GPR39: variants seen among roughly 807,000 people sequenced by gnomAD.
The protein encoded by GPR39 is G protein-coupled receptor 39, also known as zinc sensing receptor.
A neutral mutation model predicts 18.4 loss-of-function variants in GPR39; 23 were observed. That is an observed-to-expected ratio of 1.25 (90% CI 0.90 to 1.77). The LOEUF (loss-of-function observed/expected upper bound fraction) is 1.77. GPR39 is among the 40% of genes most tolerant of loss of function. GPR39 has a pLI of 0.00. For missense variants in GPR39, 647 were observed against 602.4 expected, an observed-to-expected ratio of 1.07 and a Z score of -0.78; for synonymous variants, 280 against 257.9, an observed-to-expected ratio of 1.09 and a Z score of -0.82.
At chr2:132,506,071 T>C (rs1679129315) in intron 1 of GPR39, among the ~76,000 whole-genome samples, 2 of 152,312 alleles carry the variant, frequency 1.3e-5, no homozygotes, top group African/African-American at 4.8e-5. Flanking sequence ...TTATTTTTTG[T>C]CTTTTTAATA....
At chr2:132,491,142 C>G (rs773270591) in intron 1 of GPR39, among the ~76,000 whole-genome samples, 7 of 152,088 alleles carry the variant, frequency 4.6e-5, no homozygotes, top group Non-Finnish European at 8.8e-5. Flanking sequence ...CCAGTTTGAA[C>G]CAGAACCAAG....
intron 1 of GPR39, among the ~76,000 whole-genome samples, chr2:132,610,144 T>C (rs1303838973): frequency 2.0e-5 from 3 of 152,142 alleles, no homozygotes; most frequent in African/African-American, 7.2e-5. Flanking sequence ...GCTGAATGAA[T>C]AGGAATACCT....
At chr2:132,434,163 A>G (rs1202204551) in intron 1 of GPR39, among the ~76,000 whole-genome samples, 3 of 152,164 alleles carry the variant, frequency 2.0e-5, no homozygotes, top group Non-Finnish European at 2.9e-5. Flanking sequence ...AAAAAATGCC[A>G]TGAAGGACGT....
At chr2:132,488,469 C>T (rs1210498919) in intron 1 of GPR39, 1 of 153,582 alleles carries the variant, frequency 6.5e-6, no homozygotes, top group African/African-American at 2.4e-5. Context: ...ATATCTTGCT[C>T]ATTTCTTATT....
In GPR39 at chr2:132,591,298, T is replaced by C. The variant is rs1320590968; in HGVS notation, c.857-53803T>C. Among the ~76,000 whole-genome samples the C allele has an allele frequency of 3.2e-4, 48 of 149,102 alleles. 1 individual carries two copies. The highest frequency in any genetic ancestry group is 1.1e-3 in the African/African-American group (46 of 40,256). On this transcript the variant is annotated intron_variant, in intron 1 of 1. Transcript: ENST00000329321. ...AAAAACAAAAAAAAACAGAGGAACA[T>C]TGTAGGACTAGACCAGCGGAGTCTT...
At chr2:132,505,897 G>A (rs4321420) in intron 1 of GPR39, among the ~76,000 whole-genome samples, 126,284 of 152,182 alleles carry the variant, frequency 0.83, 53,015 homozygotes, top group Middle Eastern at 0.9. Flanking sequence ...ACCAACTTCT[G>A]TTCCTTTGGA....
At chr2:132,496,074 G>A (rs1300242606) in intron 1 of GPR39, among the ~76,000 whole-genome samples, 1 of 152,106 alleles carries the variant, frequency 6.6e-6, no homozygotes, top group African/African-American at 2.4e-5. Context: ...ACAGCCGCTG[G>A]GAAGGTTTGG....
At chr2:132,505,869 C>A (rs1679126776) in intron 1 of GPR39, among the ~76,000 whole-genome samples, 1 of 152,164 alleles carries the variant, frequency 6.6e-6, no homozygotes, top group Non-Finnish European at 1.5e-5. Context: ...ACATGGGGGT[C>A]AAGTATATTT....
intron 1 of GPR39, among the ~76,000 whole-genome samples, chr2:132,533,142 C>T (rs187789833): frequency 1.8e-4 from 28 of 152,264 alleles, no homozygotes; most frequent in Admixed American, 1.1e-3. Flanking sequence ...AACAACTCAG[C>T]GAAGTCCCAG....
chr2:132,471,427 C>T (rs977099271), intron 1 of GPR39, among the ~76,000 whole-genome samples: 6 of 152,084 alleles, frequency 3.9e-5, no homozygotes, highest in Admixed American at 3.3e-4. Flanking sequence ...ATCCACTAGT[C>T]GGTGCAACCT....
intron 1 of GPR39, among the ~76,000 whole-genome samples, chr2:132,430,008 G>A (rs1280853215): frequency 6.6e-6 from 1 of 152,246 alleles, no homozygotes; most frequent in African/African-American, 2.4e-5. Flanking sequence ...GGAGGCCATG[G>A]GAGCCATGGA....
intron 1 of GPR39, among the ~76,000 whole-genome samples, chr2:132,612,020 C>T (rs946952084): frequency 2.0e-5 from 3 of 152,138 alleles, no homozygotes; most frequent in African/African-American, 4.8e-5. Context: ...TTTATCTTTG[C>T]CCAGAAGCTC....
intron 1 of GPR39, among the ~76,000 whole-genome samples, chr2:132,532,486 C>T (rs1311527349): frequency 7.9e-5 from 12 of 152,180 alleles, no homozygotes; most frequent in Admixed American, 6.6e-4. Flanking sequence ...TCCTCCCTAA[C>T]TCATTTTATG....
intron 1 of GPR39, among the ~76,000 whole-genome samples, chr2:132,593,319 G>A (rs1680878993): frequency 6.6e-6 from 1 of 152,154 alleles, no homozygotes; most frequent in Admixed American, 6.5e-5. Context: ...CAGATATCAT[G>A]TGTGCCGAAG....
intron 1 of GPR39, among the ~76,000 whole-genome samples, chr2:132,552,837 TATATATATACACACATATATATATAC>T (rs1201726016): frequency 1.2e-4 from 17 of 147,778 alleles, no homozygotes; most frequent in Non-Finnish European, 2.4e-4. Flanking sequence ...TATATACATA[TATATATATACACACATATATATATAC>T]ATATATATAC....
intron 1 of GPR39, among the ~76,000 whole-genome samples, chr2:132,546,001 C>T (rs945429782): frequency 1.3e-5 from 2 of 152,292 alleles, no homozygotes; most frequent in East Asian, 1.9e-4. Context: ...TCAGTCTAGA[C>T]CTCTGAGGAT....
intron 1 of GPR39, among the ~76,000 whole-genome samples, chr2:132,435,788 G>T (rs1017767564): frequency 6.6e-6 from 1 of 152,156 alleles, no homozygotes; most frequent in South Asian, 2.1e-4. Context: ...TGAGGAGTTT[G>T]TCTCAAAAGT....
chr2:132,473,777 G>C (rs1398021369), intron 1 of GPR39, among the ~76,000 whole-genome samples: 1 of 152,176 alleles, frequency 6.6e-6, no homozygotes, highest in Non-Finnish European at 1.5e-5. Flanking sequence ...CACTATCTCT[G>C]CCTCTTTCAG....
intron 1 of GPR39, among the ~76,000 whole-genome samples, chr2:132,634,262 G>T (rs1035820312): frequency 3.9e-5 from 6 of 152,116 alleles, no homozygotes; most frequent in African/African-American, 1.4e-4. Flanking sequence ...AGTCACTGTG[G>T]TCAGCACTAT....
Sources: gnomAD v4.1 joint callset for allele counts (sites outside exome capture counted in the v4.1 genomes callset) on GRCh38, gnomAD v4.1.1 for gene constraint, MANE v1.5 for transcripts, NCBI Gene and HGNC (gene_info 2026-07-23, HGNC 2026-07-21) for gene names.